The following ADCY8 variants were observed in gnomAD, a reference collection of about 807,000 sequenced individuals.
The protein encoded by ADCY8 is adenylate cyclase 8, also known as adenylate cyclase type 8.
In ADCY8, 51 loss-of-function variants were observed where a neutral mutation model predicts 119.7. That is an observed-to-expected ratio of 0.43 (90% CI 0.34 to 0.54). The LOEUF (loss-of-function observed/expected upper bound fraction) is 0.54, where lower values mean the gene tolerates loss of function less well. ADCY8 is among the 20% of genes least tolerant of loss of function. The probability of loss-of-function intolerance (pLI) is 0.03; values close to 1 mark genes in which losing one functional copy is unlikely to be tolerated. For missense variants in ADCY8, 1,383 were observed against 1,598.8 expected (o/e 0.87, Z 2.30); for synonymous variants, 665 against 651.0 (o/e 1.02, Z -0.33).
At chr8:130,883,786 C>A (rs1460354003) in intron 8 of ADCY8, among the ~76,000 whole-genome samples, 2 of 152,078 alleles carry the variant, frequency 1.3e-5, no homozygotes, top group Admixed American at 1.3e-4. Flanking sequence ...CCCCATCTGC[C>A]CACTCCCTTC....
At chr8:130,992,044 A>T (rs1822594893) in intron 1 of ADCY8, among the ~76,000 whole-genome samples, 1 of 150,266 alleles carries the variant, frequency 6.7e-6, no homozygotes. Flanking sequence ...AAAATTACTA[A>T]TAATTATTTA....
At chr8:130,976,795 T>C (rs1053297267) in intron 2 of ADCY8, among the ~76,000 whole-genome samples, 2 of 152,218 alleles carry the variant, frequency 1.3e-5, no homozygotes, top group Admixed American at 6.5e-5. Context: ...GGAGATTATA[T>C]ATCCTCCTCA....
intron 2 of ADCY8, among the ~76,000 whole-genome samples, chr8:130,960,716 G>A (rs935630927): frequency 1.3e-5 from 2 of 151,850 alleles, no homozygotes; most frequent in Non-Finnish European, 2.9e-5. Flanking sequence ...AATACAAACA[G>A]GGGAAAATTC....
At chr8:130,911,056 T>C (rs2130554485) in intron 5 of ADCY8, among the ~76,000 whole-genome samples, 1 of 152,326 alleles carries the variant, frequency 6.6e-6, no homozygotes, top group Non-Finnish European at 1.5e-5. Flanking sequence ...TTTGCTGATA[T>C]TTTTGTGATA....
Position 130,814,055 on chromosome 8 carries a change from AG to A in ADCY8, c.2913+13del. ...ACCACCCTTTCTCACTGGCTAGACC[AG>A]CCCCTGGCTCACCTCATTGTCTCGG... is the stretch of plus-strand genomic sequence containing the variant. On this transcript the variant is annotated intron_variant, in intron 14 of 17. Transcript: ENST00000286355. 6.2e-7 allele frequency: 1 copy of A among 1,614,012 alleles called. No individual in the cohort carries two copies. The highest frequency in any genetic ancestry group is 1.1e-5 in the South Asian group (1 of 91,058).
intron 9 of ADCY8, among the ~76,000 whole-genome samples, chr8:130,860,814 C>T (rs896858596): frequency 6.6e-5 from 10 of 152,052 alleles, no homozygotes; most frequent in Admixed American, 3.9e-4. Context: ...CAACAGGCCC[C>T]GGTGTGTGAT....
intron 15 of ADCY8, among the ~76,000 whole-genome samples, chr8:130,797,935 T>A (rs890300549): frequency 8.5e-5 from 13 of 152,170 alleles, no homozygotes; most frequent in African/African-American, 3.1e-4. Context: ...TGATTACAAA[T>A]CAAAGCAGTA....
chr8:130,789,058 T>C (rs1056378722), intron 15 of ADCY8, among the ~76,000 whole-genome samples: 1 of 152,166 alleles, frequency 6.6e-6, no homozygotes, highest in East Asian at 1.9e-4. Flanking sequence ...TATGAAGGTA[T>C]GAATAAACTG....
intron 9 of ADCY8, among the ~76,000 whole-genome samples, chr8:130,865,959 A>C (rs1461402949): frequency 6.6e-6 from 1 of 152,100 alleles, no homozygotes; most frequent in African/African-American, 2.4e-5. Context: ...AATTTGGCTC[A>C]CAGCACTTCT....
intron 3 of ADCY8, among the ~76,000 whole-genome samples, chr8:130,951,181 T>C (rs907436049): frequency 1.3e-5 from 2 of 152,236 alleles, no homozygotes; most frequent in African/African-American, 4.8e-5. Flanking sequence ...AGAAGATGCT[T>C]ATTTTACAGG....
At chr8:130,993,087 G>A (rs2130747135) in intron 1 of ADCY8, among the ~76,000 whole-genome samples, 2 of 152,186 alleles carry the variant, frequency 1.3e-5, no homozygotes, top group Middle Eastern at 6.8e-3. Context: ...TGTCCTATTT[G>A]TAAAATATAG....
At chr8:130,783,405 G>T (rs1258874739) in intron 17 of ADCY8, among the ~76,000 whole-genome samples, 2 of 152,212 alleles carry the variant, frequency 1.3e-5, no homozygotes, top group Non-Finnish European at 2.9e-5. Context: ...CCTTGCATGG[G>T]CAGGCAAGTT....
intron 3 of ADCY8, among the ~76,000 whole-genome samples, chr8:130,945,826 T>C (rs530373697): frequency 5.9e-4 from 90 of 152,348 alleles, no homozygotes; most frequent in African/African-American, 2.1e-3. Flanking sequence ...GTGGACTTGG[T>C]AATGCTCTGA....
chr8:130,816,393 G>A (rs989954930), intron 13 of ADCY8, among the ~76,000 whole-genome samples: 4 of 150,298 alleles, frequency 2.7e-5, no homozygotes, highest in African/African-American at 7.3e-5. Context: ...CCACATGCAT[G>A]CACACACACA....
intron 1 of ADCY8, among the ~76,000 whole-genome samples, chr8:131,020,238 T>C (rs1017955444): frequency 2.0e-5 from 3 of 151,932 alleles, no homozygotes; most frequent in Non-Finnish European, 2.9e-5. Flanking sequence ...CATAAAAAAA[T>C]TGCACCCTGG....
chr8:130,967,944 T>A (rs1299892416), intron 2 of ADCY8, among the ~76,000 whole-genome samples: 1 of 152,100 alleles, frequency 6.6e-6, no homozygotes, highest in African/African-American at 2.4e-5. Flanking sequence ...TTACTTAACC[T>A]CTCCAAACCT....
At chr8:130,782,497 T>G (rs1396029897) in intron 17 of ADCY8, among the ~76,000 whole-genome samples, 1 of 152,216 alleles carries the variant, frequency 6.6e-6, no homozygotes, top group Non-Finnish European at 1.5e-5. Context: ...AAGTTAATTT[T>G]CCAACCTCTG....
chr8:130,973,242 A>C (rs1821976811), intron 2 of ADCY8, among the ~76,000 whole-genome samples: 1 of 152,252 alleles, frequency 6.6e-6, no homozygotes, highest in African/African-American at 2.4e-5. Context: ...TTGCTTGCAC[A>C]TATGTGCATA....
intron 5 of ADCY8, among the ~76,000 whole-genome samples, chr8:130,933,524 T>A (rs534292675): frequency 5.8e-4 from 88 of 152,328 alleles, no homozygotes; most frequent in Admixed American, 3.8e-3. Flanking sequence ...GGGCTCCTAT[T>A]AATTCCTTTT....
Sources: gnomAD v4.1 joint callset for allele counts (sites outside exome capture counted in the v4.1 genomes callset) on GRCh38, gnomAD v4.1.1 for gene constraint, MANE v1.5 for transcripts, NCBI Gene and HGNC (gene_info 2026-07-23, HGNC 2026-07-21) for gene names.